The following SNX13 variants were observed in gnomAD, a reference collection of about 807,000 sequenced individuals.
SNX13 encodes sorting nexin 13, also known as sorting nexin-13.
In SNX13, 45 loss-of-function variants were observed where a neutral mutation model predicts 133.6. The ratio of observed to expected loss-of-function variants is 0.34; its 90% CI spans 0.27 to 0.43. The LOEUF is 0.43. Among genes scored for constraint, SNX13 ranks in the 20% least tolerant of loss-of-function variants. The pLI, the probability that SNX13 is intolerant of heterozygous loss-of-function variation, is 1.00. For missense variants in SNX13, 1,032 were observed against 1,145.1 expected (o/e 0.90, Z 1.43); for synonymous variants, 414 against 373.9 (o/e 1.11, Z -1.24).
chr7:17,859,224 C>G (rs1792315405), intron 9 of SNX13, among the ~76,000 whole-genome samples: 1 of 151,708 alleles, frequency 6.6e-6, no homozygotes, highest in Admixed American at 6.6e-5. Context: ...GTAGAATATA[C>G]GAAGCATTCT....
intron 20 of SNX13, among the ~76,000 whole-genome samples, chr7:17,805,501 G>A (rs532514137): frequency 6.6e-6 from 1 of 152,206 alleles, no homozygotes; most frequent in South Asian, 2.1e-4. Context: ...TTGCCACCTT[G>A]CTAATAAGCT....
At chr7:17,922,854 T>C (rs987250506) in intron 1 of SNX13, among the ~76,000 whole-genome samples, 3 of 152,202 alleles carry the variant, frequency 2.0e-5, no homozygotes, top group Non-Finnish European at 4.4e-5. Flanking sequence ...AAAAATCATA[T>C]GTGCTTACTC....
intron 18 of SNX13, 137 bp downstream of exon 18, chr7:17,821,372 T>G: frequency 1.3e-6 from 1 of 764,300 alleles, no homozygotes; most frequent in Non-Finnish European, 2.1e-6. Context: ...AGATTAATTC[T>G]AAGATTTATG....
intron 2 of SNX13, among the ~76,000 whole-genome samples, chr7:17,895,581 T>C (rs1405433656): frequency 4.6e-5 from 7 of 152,136 alleles, no homozygotes; most frequent in Non-Finnish European, 8.8e-5. Flanking sequence ...TTAGTACCCA[T>C]TATCCTCTAG....
intron 15 of SNX13, chr7:17,831,603 T>A (rs761057062): frequency 1.0e-6 from 1 of 984,120 alleles, no homozygotes; most frequent in Non-Finnish European, 1.2e-6. Context: ...CCATATGATA[T>A]GACTTGGTCC....
chr7:17,918,448 AT>A (rs1323970294), intron 1 of SNX13, among the ~76,000 whole-genome samples: 2 of 144,646 alleles, frequency 1.4e-5, no homozygotes, highest in Admixed American at 1.4e-4. Context: ...AAAAAAAAAA[AT>A]TTAAAAATGG....
At chr7:17,871,226 C>G (rs901826210) in intron 8 of SNX13, among the ~76,000 whole-genome samples, 1 of 152,096 alleles carries the variant, frequency 6.6e-6, no homozygotes, top group East Asian at 1.9e-4. Context: ...AGGATGGTCT[C>G]GATCTCCTGA....
chr7:17,800,562 T>C (rs904118608), intron 22 of SNX13, among the ~76,000 whole-genome samples: 1 of 151,734 alleles, frequency 6.6e-6, no homozygotes, highest in Non-Finnish European at 1.5e-5. Context: ...TAAAGAAAAT[T>C]ATAGGACATC....
chr7:17,875,393 T>G lies in SNX13; in HGVS notation c.664+87A>C, dbSNP rs187537612. ...CTATGCTACCTGCCCTAAGTAAGAATAATTTTACCCTTAGATTTTTTCACT... is the reference window on the plus strand; with the variant it reads ...CTATGCTACCTGCCCTAAGTAAGAAGAATTTTACCCTTAGATTTTTTCACT... On this transcript the variant is annotated intron_variant, in intron 7 of 25. Transcript: ENST00000428135. The G allele has an allele frequency of 1.7e-5, 18 of 1,038,966 alleles. No individual in the cohort carries two copies. The Admixed American group carries it at 3.8e-4, about 22-fold the overall frequency. 64.4% of individuals were successfully genotyped at this position (1,038,966 alleles called of 1,614,324 possible). A position where few individuals can be genotyped will look rare whatever the true frequency, so the allele number is the denominator to read the frequency against.
chr7:17,894,210 G>C (rs1200440908), intron 2 of SNX13, among the ~76,000 whole-genome samples: 1 of 151,896 alleles, frequency 6.6e-6, no homozygotes, highest in Non-Finnish European at 1.5e-5. Flanking sequence ...GGCTGAGGTA[G>C]GAAAATTGCT....
rs1793414115 is a variant in SNX13, at chr7:17,866,513, T to C, written c.837+1894A>G. On this transcript the variant is annotated intron_variant, in intron 9 of 25. Transcript: ENST00000428135. ...AAATGCTTGCAAGTATGTAAAGAAA[T>C]GGATAAAGAAAACATGGTACATACA... 2.6e-5 allele frequency among the ~76,000 whole-genome samples: 4 copies of C among 151,644 alleles called. No individual in the cohort carries two copies. In the South Asian group the frequency reaches 8.3e-4, roughly 32 times the overall value.
At chr7:17,922,981 TTATA>T (rs1388486958) in intron 1 of SNX13, among the ~76,000 whole-genome samples, 2 of 152,188 alleles carry the variant, frequency 1.3e-5, no homozygotes, top group Admixed American at 1.3e-4. Context: ...GCAGGTAGTA[TTATA>T]AACAAAAAAA....
At chr7:17,870,994 G>A (rs561973689) in intron 8 of SNX13, among the ~76,000 whole-genome samples, 32 of 151,872 alleles carry the variant, frequency 2.1e-4, no homozygotes, top group Admixed American at 1.5e-3. Flanking sequence ...AAGAGGAATC[G>A]GGTTTTCTTT....
intron 10 of SNX13, 23 bp downstream of exon 10, chr7:17,850,803 C>T: frequency 6.7e-7 from 1 of 1,498,226 alleles, no homozygotes; most frequent in Non-Finnish European, 8.9e-7. Flanking sequence ...AAAAATATAT[C>T]TTAAATTAAA....
intron 20 of SNX13, among the ~76,000 whole-genome samples, chr7:17,809,882 A>G (rs1785796040): frequency 6.6e-6 from 1 of 152,202 alleles, no homozygotes; most frequent in Non-Finnish European, 1.5e-5. Flanking sequence ...TGGGTAAATA[A>G]CGAAATAAAG....
At chr7:17,820,318 G>A (rs1787145236) in intron 18 of SNX13, among the ~76,000 whole-genome samples, 1 of 151,942 alleles carries the variant, frequency 6.6e-6, no homozygotes, top group South Asian at 2.1e-4. Context: ...GTGTAAGGAT[G>A]GGAATAAAAA....
At chr7:17,883,877 T>C (rs982252812) in intron 5 of SNX13, among the ~76,000 whole-genome samples, 1 of 152,236 alleles carries the variant, frequency 6.6e-6, no homozygotes. Flanking sequence ...GCTTCATCCA[T>C]GTCCCTGCAA....
In SNX13 at chr7:17,897,435, G is replaced by C; in HGVS notation, c.24C>G (p.Ser8=). The change falls in exon 2 of 26, where the codon TCC becomes TCG. Residue 8 remains serine, a synonymous_variant. Transcript: ENST00000428135. MLTEASL[S]IWGWGSLGIV... ...TGCCAAGGCTTCCCCATCCCCATAT[G>C]GATAGACTGGCCTGAAATACAGAAA... The C allele has an allele frequency of 1.3e-6, 2 of 1,575,876 alleles. No homozygotes were observed. The highest frequency in any genetic ancestry group is 3.5e-5 in the Admixed American group (2 of 56,918).
chr7:17,838,280 T>C (rs1351913917), intron 13 of SNX13, among the ~76,000 whole-genome samples: 1 of 151,974 alleles, frequency 6.6e-6, no homozygotes, highest in Non-Finnish European at 1.5e-5. Flanking sequence ...AAGTTGATCA[T>C]AATATTTGCT....
Sources: gnomAD v4.1 joint callset for allele counts (sites outside exome capture counted in the v4.1 genomes callset) on GRCh38, gnomAD v4.1.1 for gene constraint, MANE v1.5 for transcripts, NCBI Gene and HGNC (gene_info 2026-07-23, HGNC 2026-07-21) for gene names.